The following SERINC5 variants were observed in gnomAD, a reference collection of about 807,000 sequenced individuals.
The protein encoded by SERINC5 is chromosome 5 open reading frame 12.
SERINC5 carries 41 observed loss-of-function variants against 63.1 expected under a neutral mutation model. The observed-to-expected ratio is 0.65, with a 90% CI of 0.51 to 0.84. The LOEUF is 0.84. Ranked by LOEUF, SERINC5 falls within the 40% of genes least tolerant of loss-of-function variation. The probability of loss-of-function intolerance (pLI) is 0.00; values close to 1 mark genes in which losing one functional copy is unlikely to be tolerated. For synonymous variants in SERINC5, 222 were observed against 215.2 expected (o/e 1.03, Z -0.28); for missense variants, 523 against 573.0 (o/e 0.91, Z 0.89).
At position 80,169,519 on chromosome 5, in the gene SERINC5, C is replaced by A; in HGVS notation, c.579G>T (p.Leu193=). 19 of 1,613,694 alleles carry A rather than the reference C, an allele frequency of 1.2e-5. No individual in the cohort carries two copies. The highest frequency in any genetic ancestry group is 1.5e-5 in the Non-Finnish European group (18 of 1,179,752). The change falls in exon 6 of 12, where the codon CTG becomes CTT. Residue 193 remains leucine (L), a synonymous_variant. Coordinates refer to ENST00000507668, the MANE Select transcript of SERINC5 (RefSeq NM_001174072.3). ...NWTAGTASNK[L]WYASLALVTL... is the part of the protein sequence containing the mutation. ...TCACCAGGGCCAGGGAGGCGTACCA[C>A]AGCTTGTTACTGGCTGTGCCTGCTG...
At chr5:80,152,215 G>C (rs925244476) in intron 8 of SERINC5, among the ~76,000 whole-genome samples, 1 of 152,106 alleles carries the variant, frequency 6.6e-6, no homozygotes. Context: ...TTTAAGAGTG[G>C]CCCGGCTGGG....
chr5:80,172,209 A>C (rs972128033), intron 5 of SERINC5, among the ~76,000 whole-genome samples: 2 of 152,066 alleles, frequency 1.3e-5, no homozygotes, highest in Non-Finnish European at 2.9e-5. Flanking sequence ...GCATGCCTGT[A>C]ATCCCAGCTA....
intron 8 of SERINC5, chr5:80,157,002 T>C (rs1020873953): frequency 4.7e-5 from 7 of 150,158 alleles, no homozygotes; most frequent in African/African-American, 7.4e-5. Context: ...TCTTTTTTTT[T>C]TTTTTTTTTG....
Position 80,142,605 on chromosome 5 carries a change from G to C in SERINC5, c.*1058C>G, listed in dbSNP as rs1745576926. 5 of 985,232 alleles carry C rather than the reference G, an allele frequency of 5.1e-6. No homozygotes were observed. In the South Asian group the frequency reaches 2.3e-4, roughly 46 times the overall value. The allele number at this position is 985,232 out of a possible 1,614,324, so 61.0% of individuals were successfully genotyped here. On this transcript the variant is annotated 3_prime_UTR_variant, in exon 12 of 12. Coordinates refer to ENST00000507668, the MANE Select transcript of SERINC5 (RefSeq NM_001174072.3). ...CTCACATTAGCAAACCTACTCCAAG[G>C]ATGCCAGCATGAACCTGAACGGTAT... is the stretch of plus-strand genomic sequence containing the variant.
At chr5:80,212,933 A>G (rs918445198) in intron 1 of SERINC5, among the ~76,000 whole-genome samples, 6 of 152,170 alleles carry the variant, frequency 3.9e-5, no homozygotes, top group African/African-American at 1.4e-4. Flanking sequence ...ACAAAAGAAT[A>G]CATGGCAACC....
chr5:80,161,046 A>ATGTG (rs552090577), intron 7 of SERINC5, among the ~76,000 whole-genome samples: 4 of 140,984 alleles, frequency 2.8e-5, no homozygotes, highest in African/African-American at 1.1e-4. Context: ...GTATATATAT[A>ATGTG]TATGTATGTA....
chr5:80,151,742 A>T (rs1385023681), intron 8 of SERINC5, among the ~76,000 whole-genome samples: 1 of 152,222 alleles, frequency 6.6e-6, no homozygotes, highest in Non-Finnish European at 1.5e-5. Flanking sequence ...TATTTACTGA[A>T]GGCCACTATG....
At chr5:80,238,788 CAAA>C (rs34850558) in intron 1 of SERINC5, among the ~76,000 whole-genome samples, 3,088 of 98,928 alleles carry the variant, frequency 0.031, 107 homozygotes, top group African/African-American at 0.1. Flanking sequence ...GACTTCATCT[CAAA>C]AAAAAAAAAA....
At chr5:80,182,663 A>G (rs2112433483) in intron 2 of SERINC5, among the ~76,000 whole-genome samples, 1 of 151,194 alleles carries the variant, frequency 6.6e-6, no homozygotes, top group Non-Finnish European at 1.5e-5. Flanking sequence ...CTCCTGCCTC[A>G]GCCTCCAGAG....
intron 2 of SERINC5, among the ~76,000 whole-genome samples, chr5:80,185,679 C>T (rs115981313): frequency 0.032 from 4,933 of 151,940 alleles, 271 homozygotes; most frequent in African/African-American, 0.11. Context: ...AAAGGGGGTT[C>T]GTTCTCTGGT....
At position 80,142,837 on chromosome 5, in the gene SERINC5, T is replaced by C; in HGVS notation, c.*826A>G. ...AACAAGTAAGAATGATAGCCCTCCA[T>C]TGCTTAGGCAGAGAAAACATGAATC... On this transcript the variant is annotated 3_prime_UTR_variant, in exon 12 of 12. Coordinates refer to ENST00000507668, the MANE Select transcript of SERINC5 (RefSeq NM_001174072.3). The C allele has an allele frequency of 1.0e-6, 1 of 985,410 alleles. No individual in the cohort carries two copies. The highest frequency in any genetic ancestry group is 1.2e-6 in the Non-Finnish European group (1 of 829,884). 61.0% of individuals were successfully genotyped at this position (985,410 alleles called of 1,614,324 possible).
chr5:80,134,687 G>A (rs1424617385), downstream of SERINC5, among the ~76,000 whole-genome samples: 1 of 152,162 alleles, frequency 6.6e-6, no homozygotes, highest in African/African-American at 2.4e-5. Flanking sequence ...TGGTTTCGAT[G>A]CCACAAGTAA....
At chr5:80,198,793 G>T in intron 2 of SERINC5, 1 of 774,790 alleles carries the variant, frequency 1.3e-6, no homozygotes, top group Non-Finnish European at 1.6e-6. Context: ...AGGCCCTAAA[G>T]CTGGAAAAGG....
chr5:80,248,484 A>T (rs780974961), intron 1 of SERINC5, among the ~76,000 whole-genome samples: 4 of 152,144 alleles, frequency 2.6e-5, no homozygotes, highest in Admixed American at 6.5e-5. Flanking sequence ...CATAATTTAA[A>T]CCTGTGAATT....
chr5:80,198,038 C>G (rs182023875), intron 2 of SERINC5, among the ~76,000 whole-genome samples: 3 of 152,164 alleles, frequency 2.0e-5, no homozygotes, highest in African/African-American at 4.8e-5. Context: ...TGGGGTTTCA[C>G]CATGTTGGTT....
At chr5:80,211,528 C>T (rs1393898998) in intron 1 of SERINC5, among the ~76,000 whole-genome samples, 1 of 152,192 alleles carries the variant, frequency 6.6e-6, no homozygotes, top group Non-Finnish European at 1.5e-5. Context: ...AATCTAACTT[C>T]GAGCACATCT....
In SERINC5 at chr5:80,169,547, C is replaced by T; in HGVS notation, c.552-1G>A. The T allele has an allele frequency of 6.2e-7, 1 of 1,610,512 alleles. No homozygotes were observed. Among genetic ancestry groups the T allele is most frequent in the Non-Finnish European group, 8.5e-7 (1 of 1,178,302 alleles). On this transcript the variant is annotated splice_acceptor_variant, in intron 5 of 11. Transcript: ENST00000507668. LOFTEE classifies it high-confidence loss of function. ...CTTGTTACTGGCTGTGCCTGCTGTC[C>T]TGTTTCTCCGGGAAGTGGGTAAGAG...
chr5:80,150,591 A>G (rs1746113014), intron 9 of SERINC5, among the ~76,000 whole-genome samples: 1 of 152,070 alleles, frequency 6.6e-6, no homozygotes, highest in African/African-American at 2.4e-5. Context: ...GTGAGCAACC[A>G]TGCCTGGCTA....
intron 5 of SERINC5, among the ~76,000 whole-genome samples, chr5:80,171,669 C>G (rs537496272): frequency 6.6e-6 from 1 of 152,158 alleles, no homozygotes; most frequent in East Asian, 1.9e-4. Context: ...AGAAATGATA[C>G]AGCCTGGCCA....
Sources: gnomAD v4.1 joint callset for allele counts (sites outside exome capture counted in the v4.1 genomes callset) on GRCh38, gnomAD v4.1.1 for gene constraint, MANE v1.5 for transcripts, NCBI Gene and HGNC (gene_info 2026-07-23, HGNC 2026-07-21) for gene names.